Variants in FGF14 observed in about 807,000 individuals in gnomAD.
FGF14 encodes fibroblast growth factor homologous factor 4.
Under a neutral mutation model 25.5 loss-of-function variants are expected in FGF14, and 5 were observed. The ratio of observed to expected loss-of-function variants is 0.20; its 90% CI spans 0.10 to 0.41. The LOEUF (loss-of-function observed/expected upper bound fraction) is 0.41. FGF14 is among the 10% of genes least tolerant of loss of function. The pLI is 1.00. For missense variants in FGF14, 222 were observed against 320.1 expected (o/e 0.69, Z 2.34); for synonymous variants, 138 against 118.3 (o/e 1.17, Z -1.08).
intron 1 of FGF14, among the ~76,000 whole-genome samples, chr13:102,085,516 G>T (rs925842985): frequency 2.6e-5 from 4 of 152,144 alleles, no homozygotes; most frequent in African/African-American, 9.7e-5. Flanking sequence ...TAATTATTAA[G>T]AGAATAAACA....
At chr13:101,973,133 T>A (rs1307228175) in intron 1 of FGF14, among the ~76,000 whole-genome samples, 2 of 151,818 alleles carry the variant, frequency 1.3e-5, no homozygotes, top group Non-Finnish European at 2.9e-5. Flanking sequence ...TTTTTTTTTT[T>A]TTTTGCCTTT....
chr13:102,091,067 TAAA>T (rs1451051651), intron 1 of FGF14, among the ~76,000 whole-genome samples: 2 of 152,310 alleles, frequency 1.3e-5, no homozygotes, highest in African/African-American at 4.8e-5. Flanking sequence ...AATAGTGACA[TAAA>T]AGACAATAGT....
At chr13:102,240,418 C>G (rs1409604392) in intron 1 of FGF14, among the ~76,000 whole-genome samples, 1 of 152,182 alleles carries the variant, frequency 6.6e-6, no homozygotes, top group Non-Finnish European at 1.5e-5. Context: ...CCTACCTCTA[C>G]TGTTAACATT....
At chr13:102,289,029 C>G (rs1015458134) in intron 1 of FGF14, among the ~76,000 whole-genome samples, 7 of 151,956 alleles carry the variant, frequency 4.6e-5, no homozygotes, top group Non-Finnish European at 8.8e-5. Flanking sequence ...TAGGATGTCA[C>G]TAAATTGATT....
At chr13:102,328,209 A>G (rs1364927349) in intron 1 of FGF14, among the ~76,000 whole-genome samples, 3 of 152,242 alleles carry the variant, frequency 2.0e-5, no homozygotes, top group African/African-American at 7.2e-5. Context: ...ATTCAAGTTA[A>G]CCATCTTGAA....
In FGF14 at chr13:102,220,388, C is replaced by T. The variant is rs575961238; in HGVS notation, c.208+181083G>A. ...CTTCTAGTCATCAACATGATAAACTCTAGATCTACACATAAAATCCAAAAT... is the reference window on the plus strand; with the variant it reads ...CTTCTAGTCATCAACATGATAAACTTTAGATCTACACATAAAATCCAAAAT... On this transcript the variant is annotated intron_variant, in intron 1 of 4. Coordinates refer to the FGF14 transcript ENST00000376131. Among the ~76,000 whole-genome samples the T allele has an allele frequency of 5.4e-5, 8 of 147,962 alleles. No individual in the cohort carries two copies. The South Asian group carries it at 1.5e-3, about 28-fold the overall frequency.
intron 1 of FGF14, among the ~76,000 whole-genome samples, chr13:101,891,840 T>C (rs911777785): frequency 6.6e-6 from 1 of 152,160 alleles, no homozygotes; most frequent in Non-Finnish European, 1.5e-5. Context: ...CTGAATGTAG[T>C]AGTAAATAAT....
intron 3 of FGF14, among the ~76,000 whole-genome samples, chr13:101,867,809 C>T (rs1030632928): frequency 1.3e-5 from 2 of 151,744 alleles, no homozygotes; most frequent in Admixed American, 1.3e-4. Context: ...CTTCATTTCC[C>T]TGTGACAGGA....
At chr13:101,969,496 C>T (rs184381340) in intron 1 of FGF14, among the ~76,000 whole-genome samples, 1 of 152,126 alleles carries the variant, frequency 6.6e-6, no homozygotes, top group Non-Finnish European at 1.5e-5. Context: ...TTTCCTGATG[C>T]CTTCTAAACA....
intron 1 of FGF14, among the ~76,000 whole-genome samples, chr13:102,000,298 G>A (rs924065298): frequency 4.6e-5 from 7 of 152,104 alleles, no homozygotes; most frequent in African/African-American, 7.2e-5. Context: ...CAGCCTGGGC[G>A]ACAGAGCAAG....
At chr13:102,120,137 G>A (rs1005478267) in intron 1 of FGF14, among the ~76,000 whole-genome samples, 1 of 151,976 alleles carries the variant, frequency 6.6e-6, no homozygotes, top group African/African-American at 2.4e-5. Flanking sequence ...CTTTTTGGAC[G>A]GCCAAACAAA....
intron 1 of FGF14, among the ~76,000 whole-genome samples, chr13:101,938,063 T>C (rs2035217129): frequency 6.6e-6 from 1 of 152,228 alleles, no homozygotes; most frequent in African/African-American, 2.4e-5. Context: ...GGCTTTATAC[T>C]GGCTTCCAGA....
chr13:102,131,614 T>C (rs1296032312), intron 1 of FGF14, among the ~76,000 whole-genome samples: 1 of 152,220 alleles, frequency 6.6e-6, no homozygotes, highest in Non-Finnish European at 1.5e-5. Flanking sequence ...CTATTTTCTA[T>C]ATGAAGCTTT....
At chr13:101,939,707 T>C (rs1411713897) in intron 1 of FGF14, among the ~76,000 whole-genome samples, 1 of 152,264 alleles carries the variant, frequency 6.6e-6, no homozygotes, top group African/African-American at 2.4e-5. Flanking sequence ...CAATCTGTTT[T>C]GTATACCTGC....
intron 1 of FGF14, among the ~76,000 whole-genome samples, chr13:101,969,147 G>A (rs1287258641): frequency 6.6e-6 from 1 of 152,198 alleles, no homozygotes. Flanking sequence ...GGGGTGGACT[G>A]CCTAGGTCTT....
intron 1 of FGF14, among the ~76,000 whole-genome samples, chr13:102,209,683 A>G (rs564192737): frequency 6.6e-6 from 1 of 152,288 alleles, no homozygotes; most frequent in Middle Eastern, 3.4e-3. Flanking sequence ...AGAGTACCAT[A>G]GTATCCCTAC....
chr13:102,022,468 C>T (rs2040708868), intron 1 of FGF14, among the ~76,000 whole-genome samples: 5 of 152,056 alleles, frequency 3.3e-5, no homozygotes. Context: ...ATCAACCTCC[C>T]TTTTTTGTTG....
chr13:102,094,372 TAAC>T (rs1475688748), intron 1 of FGF14, among the ~76,000 whole-genome samples: 1 of 152,154 alleles, frequency 6.6e-6, no homozygotes, highest in Non-Finnish European at 1.5e-5. Flanking sequence ...AATATGAAGA[TAAC>T]AAGAGAAGCT....
intron 1 of FGF14, among the ~76,000 whole-genome samples, chr13:102,090,641 G>A (rs1173580508): frequency 1.3e-5 from 2 of 152,174 alleles, no homozygotes; most frequent in Non-Finnish European, 2.9e-5. Flanking sequence ...TGGTCAAGTA[G>A]GCCACGTCCT....
Sources: gnomAD v4.1 joint callset for allele counts (sites outside exome capture counted in the v4.1 genomes callset) on GRCh38, gnomAD v4.1.1 for gene constraint, MANE v1.5 for transcripts, NCBI Gene and HGNC (gene_info 2026-07-23, HGNC 2026-07-21) for gene names.